Variants in SPATA6 observed in about 807,000 individuals in gnomAD.
SPATA6 encodes spermatogenesis associated 6, also known as spermatogenesis-associated protein 6.
SPATA6 carries 56 observed loss-of-function variants against 65.3 expected under a neutral mutation model. The observed-to-expected ratio is 0.86, with a 90% CI of 0.69 to 1.07. The LOEUF (loss-of-function observed/expected upper bound fraction) is 1.07. Ranked by LOEUF, SPATA6 falls within the 50% of genes least tolerant of loss-of-function variation. The probability of loss-of-function intolerance (pLI) is 0.00; values close to 1 mark genes in which losing one functional copy is unlikely to be tolerated. For missense variants in SPATA6, 590 were observed against 594.8 expected (o/e 0.99, Z 0.08); for synonymous variants, 199 against 213.2 (o/e 0.93, Z 0.58).
chr1:48,414,642 T>C (rs1398440245), intron 3 of SPATA6, among the ~76,000 whole-genome samples: 2 of 152,132 alleles, frequency 1.3e-5, no homozygotes, highest in Non-Finnish European at 2.9e-5. Flanking sequence ...GGTCACAATT[T>C]AGGGGCATAG....
rs1645085914 is a variant in SPATA6, at chr1:48,307,354, ATATAAT to A, written c.1195-1482_1195-1477del. 4.7e-5 allele frequency among the ~76,000 whole-genome samples: 7 copies of A among 147,864 alleles called. No homozygotes were observed. The South Asian group carries it at 1.3e-3, about 27-fold the overall frequency. ...CTATATTTTGTGATATTTTATATAT[ATATAAT>A]TATATATTTATGTTTATATATAATC... On this transcript the variant is annotated intron_variant, in intron 11 of 12. Coordinates refer to ENST00000371847, the MANE Select transcript of SPATA6 (RefSeq NM_019073.4).
intron 3 of SPATA6, among the ~76,000 whole-genome samples, chr1:48,425,586 TA>T (rs1653762303): frequency 1.3e-5 from 2 of 152,076 alleles, no homozygotes; most frequent in Non-Finnish European, 2.9e-5. Context: ...ATTAAGAAAG[TA>T]TAATATTTAT....
intron 11 of SPATA6, among the ~76,000 whole-genome samples, chr1:48,316,507 C>T (rs1208396603): frequency 6.6e-6 from 1 of 152,168 alleles, no homozygotes; most frequent in Admixed American, 6.5e-5. Flanking sequence ...TGGATCCCTT[C>T]CTACACCTTA....
chr1:48,332,962 C>T (rs2148734985), intron 11 of SPATA6, among the ~76,000 whole-genome samples: 1 of 152,286 alleles, frequency 6.6e-6, no homozygotes, highest in Non-Finnish European at 1.5e-5. Flanking sequence ...AAACAACCTG[C>T]TCCAGAATAA....
chr1:48,425,903 A>C (rs1318500098), intron 3 of SPATA6, among the ~76,000 whole-genome samples: 4 of 152,128 alleles, frequency 2.6e-5, no homozygotes, highest in Non-Finnish European at 5.9e-5. Flanking sequence ...GTGTAAGCAA[A>C]GATTTCTTTA....
At chr1:48,440,119 C>T (rs1031772151) in intron 3 of SPATA6, among the ~76,000 whole-genome samples, 18 of 152,094 alleles carry the variant, frequency 1.2e-4, no homozygotes, top group African/African-American at 4.3e-4. Context: ...TAATCTCCCC[C>T]ACCCAGAAGG....
chr1:48,325,789 A>G, intron 11 of SPATA6: 1 of 450,230 alleles, frequency 2.2e-6, no homozygotes, highest in Admixed American at 2.8e-5. Flanking sequence ...AGACCCTGGA[A>G]TCAGTCGGAA....
intron 5 of SPATA6, among the ~76,000 whole-genome samples, chr1:48,404,542 T>C (rs1227776590): frequency 6.6e-6 from 1 of 152,002 alleles, no homozygotes; most frequent in Non-Finnish European, 1.5e-5. Context: ...AGGATCTCAC[T>C]ATGTCATGCA....
chr1:48,351,294 G>A (rs937450463), intron 11 of SPATA6, among the ~76,000 whole-genome samples: 13 of 151,796 alleles, frequency 8.6e-5, no homozygotes, highest in African/African-American at 2.9e-4. Flanking sequence ...ATACAGTTAC[G>A]TTTCTTCCTT....
intron 11 of SPATA6, among the ~76,000 whole-genome samples, chr1:48,354,323 A>G (rs1646597050): frequency 6.6e-6 from 1 of 152,098 alleles, no homozygotes; most frequent in African/African-American, 2.4e-5. Context: ...CATGTGCAAC[A>G]TTCTTTGATA....
chr1:48,421,315 T>C (rs1653311752), intron 3 of SPATA6, among the ~76,000 whole-genome samples: 1 of 151,908 alleles, frequency 6.6e-6, no homozygotes, highest in Non-Finnish European at 1.5e-5. Context: ...CCTATATATA[T>C]GCACAATTAT....
intron 11 of SPATA6, among the ~76,000 whole-genome samples, chr1:48,342,302 T>C (rs549497787): frequency 3.3e-5 from 5 of 152,128 alleles, no homozygotes; most frequent in Non-Finnish European, 5.9e-5. Context: ...TATACAGCAA[T>C]GAAAATGAAG....
intron 11 of SPATA6, 173 bp downstream of exon 11, chr1:48,355,497 C>G (rs1557602946): frequency 3.9e-6 from 2 of 508,482 alleles, no homozygotes; most frequent in African/African-American, 2.0e-5. Flanking sequence ...TGACTTAGGT[C>G]AAGCAGGCAT....
At chr1:48,457,012 C>G (rs1329724861) in intron 1 of SPATA6, among the ~76,000 whole-genome samples, 1 of 152,176 alleles carries the variant, frequency 6.6e-6, no homozygotes, top group East Asian at 1.9e-4. Flanking sequence ...GGGAGGATAA[C>G]TTGAGGCCAG....
intron 8 of SPATA6, among the ~76,000 whole-genome samples, chr1:48,392,159 TTG>T (rs1650138443): frequency 1.3e-5 from 2 of 152,156 alleles, no homozygotes; most frequent in Non-Finnish European, 2.9e-5. Context: ...CTATTTTACT[TTG>T]TGACAGTTAA....
chr1:48,413,084 GTATATATTACATCAA>G lies in SPATA6; in HGVS notation c.280+11_280+25del, dbSNP rs1333676318. The G allele has an allele frequency of 1.2e-6, 1 of 835,190 alleles. No homozygotes were observed. The highest frequency in any genetic ancestry group is 1.7e-6 in the Non-Finnish European group (1 of 601,764). The allele number at this position is 835,190 out of a possible 1,614,324, so 51.7% of individuals were successfully genotyped here. On this transcript the variant is annotated intron_variant, in intron 4 of 12. Transcript: ENST00000371847. Reference sequence around the variant, plus strand: ...ACATCAATTTATGATATCTTATATTGTATATATTACATCAATATATATTACCTGGTGGAACTAGCT... The same window carrying G: ...ACATCAATTTATGATATCTTATATTGTATATATTACCTGGTGGAACTAGCT...
intron 11 of SPATA6, among the ~76,000 whole-genome samples, chr1:48,335,490 C>T (rs911621273): frequency 1.3e-5 from 2 of 152,054 alleles, no homozygotes; most frequent in Non-Finnish European, 2.9e-5. Flanking sequence ...AAGCCACTCA[C>T]CTACAGCCAT....
At chr1:48,324,202 C>T (rs925298421) in intron 11 of SPATA6, among the ~76,000 whole-genome samples, 1 of 152,150 alleles carries the variant, frequency 6.6e-6, no homozygotes, top group Non-Finnish European at 1.5e-5. Flanking sequence ...AAGAGATTCT[C>T]CCGCCTTGGC....
chr1:48,316,398 T>A (rs1645421532), intron 11 of SPATA6, among the ~76,000 whole-genome samples: 1 of 152,140 alleles, frequency 6.6e-6, no homozygotes, highest in South Asian at 2.1e-4. Flanking sequence ...AACTATCTGA[T>A]CTTTGACAAA....
Sources: allele counts gnomAD v4.1 joint callset (sites outside exome capture counted in the v4.1 genomes callset), GRCh38; gene constraint gnomAD v4.1.1; transcripts MANE v1.5; gene names NCBI Gene and HGNC (gene_info 2026-07-23, HGNC 2026-07-21).